FMNL2: variants seen among roughly 807,000 people sequenced by gnomAD.
FMNL2 encodes formin like 2, also known as formin-like protein 2.
In FMNL2, 51 loss-of-function variants were observed where a neutral mutation model predicts 130.2. The observed-to-expected ratio is 0.39, with a 90% CI of 0.31 to 0.49. FMNL2 has a LOEUF of 0.49. Ranked by LOEUF, FMNL2 falls within the 20% of genes least tolerant of loss-of-function variation. The pLI, the probability that FMNL2 is intolerant of heterozygous loss-of-function variation, is 0.85. For missense variants in FMNL2, 977 were observed against 1,316.2 expected, an observed-to-expected ratio of 0.74 and a Z score of 3.99; for synonymous variants, 465 against 467.1, an observed-to-expected ratio of 1.00 and a Z score of 0.06.
chr2:152,641,052 CAG>C (rs1423821792), intron 25 of FMNL2, 138 bp downstream of exon 25: 1 of 1,129,806 alleles, frequency 8.9e-7, no homozygotes, highest in Non-Finnish European at 1.3e-6. Flanking sequence ...CAGAGTGATG[CAG>C]AGAGGCTTTG....
At chr2:152,513,614 G>A (rs1038425876) in intron 1 of FMNL2, among the ~76,000 whole-genome samples, 2 of 152,178 alleles carry the variant, frequency 1.3e-5, no homozygotes, top group Non-Finnish European at 2.9e-5. Flanking sequence ...TTATAAAAAA[G>A]TTATGGAGGA....
chr2:152,628,301 T>G lies in FMNL2; in HGVS notation c.2168T>G (p.Phe723Cys). Reference protein sequence around the residue: ...ADEICKAIHVFDLKTLPVDFV... With the variant: ...ADEICKAIHVCDLKTLPVDFV... ...AATCTCTCCACATCTGTCTTTAGAT[T>G]TGACTTGAAGACACTGCCTGTGGAC... is the stretch of plus-strand genomic sequence containing the variant. Residue 723 changes from phenylalanine (F) to cysteine (C), a missense_variant and splice_region_variant, in exon 18 of 26, where the codon TTT becomes TGT. Coordinates refer to ENST00000288670, the MANE Select transcript of FMNL2 (RefSeq NM_052905.4). 6.2e-7 allele frequency: 1 copy of G among 1,613,398 alleles called. No homozygotes were observed. The highest frequency in any genetic ancestry group is 1.7e-5 in the Admixed American group (1 of 60,028).
At chr2:152,442,242 CTTTCTTTTTCTT>C (rs1156282658) in intron 1 of FMNL2, among the ~76,000 whole-genome samples, 16 of 151,306 alleles carry the variant, frequency 1.1e-4, no homozygotes, top group Non-Finnish European at 1.9e-4. Context: ...TTCTTTTTTT[CTTTCTTTTTCTT>C]TTTCTTTTTT....
In FMNL2 at chr2:152,390,558, C is replaced by T. The variant is rs1283408123; in HGVS notation, c.117+54838C>T. 10 of 1,463,350 alleles carry T rather than the reference C, an allele frequency of 6.8e-6. No individual in the cohort carries two copies. The East Asian group carries it at 2.3e-4, about 33-fold the overall frequency. The allele number at this position is 1,463,350 out of a possible 1,614,324, so 90.6% of individuals were successfully genotyped here. On this transcript the variant is annotated intron_variant, in intron 1 of 25. Transcript: ENST00000288670. ...CATGGGGCTGCCAATCTCAGACGAA[C>T]AGAAGAAACAGGAGATTCTGAAGAA...
chr2:152,564,160 G>GAAAAAGAAAA (rs1695683588), intron 6 of FMNL2, among the ~76,000 whole-genome samples: 1 of 148,380 alleles, frequency 6.7e-6, no homozygotes, highest in East Asian at 2.0e-4. Context: ...AGCACAGGTT[G>GAAAAAGAAAA]TTTTTTTTTT....
At chr2:152,558,418 G>T (rs1695344863) in intron 4 of FMNL2, among the ~76,000 whole-genome samples, 1 of 152,116 alleles carries the variant, frequency 6.6e-6, no homozygotes, top group Non-Finnish European at 1.5e-5. Context: ...GATCAATTGT[G>T]GTGGAAAAAG....
Position 152,626,557 on chromosome 2 carries a change from C to G in FMNL2, c.1995C>G (p.Phe665Leu), listed in dbSNP as rs1165950538. The change falls in exon 17 of 26, where the codon TTC (phenylalanine) becomes TTG (leucine). Residue 665 changes from phenylalanine (F) to leucine (L), a missense_variant. By Grantham distance (22) the Phe-to-Leu change is conservative. This residue lies in a region of FMNL2 where 689 missense variants were observed against 995.9 expected (regional missense o/e 0.69). Transcript: ENST00000288670. Reference sequence around the variant, plus strand: ...ATGTGGATGAATTTGAGGAAATATTCAAGACAAAAGCCCAAGGACCTGCCA... The same window carrying G: ...ATGTGGATGAATTTGAGGAAATATTGAAGACAAAAGCCCAAGGACCTGCCA... ...DLNVDEFEEI[F>L]KTKAQGPAID... 1 of 1,610,278 alleles carries G rather than the reference C, an allele frequency of 6.2e-7. No homozygotes were observed. Among genetic ancestry groups the G allele is most frequent in the Non-Finnish European group, 8.5e-7 (1 of 1,178,186 alleles).
intron 2 of FMNL2, among the ~76,000 whole-genome samples, chr2:152,525,679 A>T (rs2105419617): frequency 6.6e-6 from 1 of 152,304 alleles, no homozygotes; most frequent in Admixed American, 6.5e-5. Context: ...GGTAGCAGGA[A>T]ATTGTAGCCA....
At position 152,619,570 on chromosome 2, in the gene FMNL2, T is replaced by TCCCCCCCCC; in HGVS notation, c.1691_1692insCCCCCCCCC (p.Pro571_Pro573dup). The TCCCCCCCCC allele has an allele frequency of 2.0e-6, 1 of 491,244 alleles. No individual in the cohort carries two copies. Among genetic ancestry groups the TCCCCCCCCC allele is most frequent in the Non-Finnish European group, 3.0e-6 (1 of 336,892 alleles). 30.4% of individuals were successfully genotyped at this position (491,244 alleles called of 1,614,324 possible). A position where few individuals can be genotyped will look rare whatever the true frequency, so the allele number is the denominator to read the frequency against. On this transcript the variant is annotated inframe_insertion, in exon 15 of 26. Coordinates refer to ENST00000288670, the MANE Select transcript of FMNL2 (RefSeq NM_052905.4). ...CGCCGCCGCCCCCTCCTCCACCTCC[T>TCCCCCCCCC]CCTCCCCCACCGCCCCCTCCGCCTC...
At chr2:152,352,556 C>G (rs979250078) in intron 1 of FMNL2, among the ~76,000 whole-genome samples, 1 of 152,146 alleles carries the variant, frequency 6.6e-6, no homozygotes, top group Admixed American at 6.5e-5. Flanking sequence ...TGATGGCAAG[C>G]TCATCATCTT....
intron 14 of FMNL2, 121 bp from the exon 15 acceptor site, chr2:152,619,388 G>T: frequency 1.4e-6 from 2 of 1,457,168 alleles, no homozygotes; most frequent in South Asian, 1.4e-5. Flanking sequence ...TTTGGTTTTT[G>T]AAAACAGTCC....
intron 4 of FMNL2, among the ~76,000 whole-genome samples, chr2:152,551,040 G>A (rs4664595): frequency 0.55 from 82,536 of 150,524 alleles, 23,476 homozygotes; most frequent in Non-Finnish European, 0.63. Flanking sequence ...TTGGGAGGCT[G>A]AGGCAGGAGA....
At position 152,579,086 on chromosome 2, in the gene FMNL2, A is replaced by G. The variant is rs547731753; in HGVS notation, c.782+122A>G. On this transcript the variant is annotated intron_variant, in intron 8 of 25. Coordinates refer to ENST00000288670, the MANE Select transcript of FMNL2 (RefSeq NM_052905.4). ...GTTAATCTCTGAAATAAGATTGGCT[A>G]TAAACTCTTTGGCTGTGTAAGAATT... is the stretch of plus-strand genomic sequence containing the variant. 2.4e-4 allele frequency: 189 copies of G among 797,650 alleles called. 2 individuals are homozygous for G. In the South Asian group the frequency reaches 2.6e-3, roughly 11 times the overall value. 49.4% of individuals were successfully genotyped at this position (797,650 alleles called of 1,614,324 possible). A position where few individuals can be genotyped will look rare whatever the true frequency, so the allele number is the denominator to read the frequency against.
intron 3 of FMNL2, among the ~76,000 whole-genome samples, chr2:152,547,218 C>A (rs1195558907): frequency 6.6e-6 from 1 of 152,194 alleles, no homozygotes; most frequent in Non-Finnish European, 1.5e-5. Context: ...GCTGGGATTA[C>A]AGGCGTGAGC....
rs200684539 is a variant in FMNL2 at position 152,558,723 on chromosome 2, T to TC, written c.360-17_360-16insC. The TC allele has an allele frequency of 1.1e-3, 1,739 of 1,593,414 alleles. 16 individuals are homozygous for TC. In the African/African-American group the frequency reaches 0.024, roughly 22 times the overall value. On this transcript the variant is annotated splice_polypyrimidine_tract_variant and intron_variant, in intron 4 of 25. Coordinates refer to ENST00000288670, the MANE Select transcript of FMNL2 (RefSeq NM_052905.4). ...GATCAATTTCTCCAATGATTTTTTT[T>TC]TTTTTTTCCCCAACAGATGGGTCAG... is the stretch of plus-strand genomic sequence containing the variant.
chr2:152,385,896 G>T (rs1363067194), intron 1 of FMNL2, among the ~76,000 whole-genome samples: 1 of 152,042 alleles, frequency 6.6e-6, no homozygotes, highest in Non-Finnish European at 1.5e-5. Context: ...GAGCAGGTTG[G>T]CTGCCAAATT....
intron 1 of FMNL2, among the ~76,000 whole-genome samples, chr2:152,451,246 T>C (rs1391809093): frequency 6.6e-6 from 1 of 152,068 alleles, no homozygotes; most frequent in Non-Finnish European, 1.5e-5. Flanking sequence ...CCTCCCAGGT[T>C]CAAGCGATTC....
At chr2:152,429,798 G>A (rs1051130038) in intron 1 of FMNL2, among the ~76,000 whole-genome samples, 4 of 152,076 alleles carry the variant, frequency 2.6e-5, no homozygotes, top group Non-Finnish European at 5.9e-5. Context: ...AGCCATGAAC[G>A]TTACACTAAG....
At chr2:152,602,137 A>G (rs1186278965) in intron 9 of FMNL2, among the ~76,000 whole-genome samples, 1 of 152,118 alleles carries the variant, frequency 6.6e-6, no homozygotes, top group East Asian at 1.9e-4. Flanking sequence ...CTTTACCCCC[A>G]TCAGTCTTAG....
Sources: gnomAD v4.1 joint callset for allele counts (sites outside exome capture counted in the v4.1 genomes callset) on GRCh38, gnomAD v4.1.1 for gene constraint, gnomAD v4.1.1 regional missense constraint, MANE v1.5 for transcripts, NCBI Gene and HGNC (gene_info 2026-07-23, HGNC 2026-07-21) for gene names.